Variants in MTOR observed in about 807,000 individuals in gnomAD.
MTOR encodes the protein mechanistic target of rapamycin kinase, also known as serine/threonine-protein kinase mTOR.
MTOR carries 70 observed loss-of-function variants against 319.8 expected under a neutral mutation model. The observed-to-expected ratio is 0.22, with a 90% CI of 0.18 to 0.27. The LOEUF (loss-of-function observed/expected upper bound fraction) is 0.27. Ranked by LOEUF, MTOR falls within the 10% of genes least tolerant of loss-of-function variation. The pLI is 1.00. For missense variants in MTOR, 1,890 were observed against 3,274.4 expected (o/e 0.58, Z 10.32); for synonymous variants, 1,183 against 1,211.4 (o/e 0.98, Z 0.49).
Position 11,133,093 on chromosome 1 carries a change from C to T in MTOR, c.5351G>A (p.Arg1784His), listed in dbSNP as rs764395301. 2.9e-5 allele frequency: 46 copies of T among 1,613,936 alleles called. No individual in the cohort carries two copies. The South Asian group carries it at 4.2e-4, about 15-fold the overall frequency. Residue 1784 changes from arginine (R) to histidine (H), a missense_variant, in exon 38 of 58, where the codon CGC becomes CAC. Arg to His is a conservative substitution (Grantham distance 29, BLOSUM62 0). Transcript: ENST00000361445. The surrounding 1 kb of genome is among the most constrained non-coding windows in gnomAD (Gnocchi z 4.0). ...GCTTCTGATCACCTTGTACCAGCTG[C>T]GGTCGTGCTCTGTGGCGGCGCTGTA... ...QYYSAATEHD[R>H]SWYKAWHAWA...
intron 12 of MTOR, 61 bp from the exon 13 acceptor site, chr1:11,238,109 A>G: frequency 6.6e-7 from 1 of 1,511,762 alleles, no homozygotes; most frequent in South Asian, 1.1e-5. Flanking sequence ...AGCCCTTCCC[A>G]GCTTCTACCT....
chr1:11,262,087 G>A (rs1240581310), intron 1 of MTOR, among the ~76,000 whole-genome samples: 3 of 152,226 alleles, frequency 2.0e-5, no homozygotes. Context: ...ACAAGGGGCT[G>A]ACACGGACGC....
At position 11,212,551 on chromosome 1, in the gene MTOR, C is replaced by T; in HGVS notation, c.3399-77G>A. 6.6e-7 allele frequency: 1 copy of T among 1,517,022 alleles called. No individual in the cohort carries two copies. 94.0% of individuals were successfully genotyped at this position (1,517,022 alleles called of 1,614,324 possible). On this transcript the variant is annotated intron_variant, in intron 22 of 57. Transcript: ENST00000361445. The surrounding 1 kb of genome is among the most constrained non-coding windows in gnomAD (Gnocchi z 4.1). Reference sequence around the variant, plus strand: ...GAGACGTGACTGAGGGTGAGCTTAACAATCAGCACCAAAGGGATGGGAATG... The same window carrying T: ...GAGACGTGACTGAGGGTGAGCTTAATAATCAGCACCAAAGGGATGGGAATG...
chr1:11,184,280 A>G (rs757074768), intron 28 of MTOR, among the ~76,000 whole-genome samples: 8 of 152,196 alleles, frequency 5.3e-5, no homozygotes, highest in Non-Finnish European at 1.2e-4. Flanking sequence ...CTAGGGAGGG[A>G]TTAGAATCCA....
chr1:11,128,275 A>C lies in MTOR; in HGVS notation c.5911-149T>G. 7.4e-7 allele frequency: 1 copy of C among 1,345,090 alleles called. No individual in the cohort carries two copies. Among genetic ancestry groups the C allele is most frequent in the Non-Finnish European group, 1.0e-6 (1 of 981,918 alleles). 83.3% of individuals were successfully genotyped at this position (1,345,090 alleles called of 1,614,324 possible). A position where few individuals can be genotyped will look rare whatever the true frequency, so the allele number is the denominator to read the frequency against. ...AGGAAGGGGCTCAGTCTTCGAGGGA[A>C]CGCTTTCTTTTTAGCAAGGCTCCCG... On this transcript the variant is annotated intron_variant, in intron 42 of 57. Coordinates refer to ENST00000361445, the MANE Select transcript of MTOR (RefSeq NM_004958.4). This position sits in a 1 kb window ranked among gnomAD's most constrained non-coding sequence, Gnocchi z 5.3.
intron 20 of MTOR, among the ~76,000 whole-genome samples, chr1:11,215,322 C>A (rs1157366487): frequency 6.6e-6 from 1 of 152,108 alleles, no homozygotes; most frequent in African/African-American, 2.4e-5. Flanking sequence ...TGGTAAGAGT[C>A]AGGGAATAGA....
chr1:11,207,949 G>A (rs763613621), intron 25 of MTOR, among the ~76,000 whole-genome samples: 2 of 152,068 alleles, frequency 1.3e-5, no homozygotes, highest in Non-Finnish European at 1.5e-5. Flanking sequence ...TTCCAAGTCT[G>A]GGTAGAAAGC....
intron 53 of MTOR, 35 bp downstream of exon 53, chr1:11,114,282 AC>A: frequency 6.2e-7 from 1 of 1,610,284 alleles, no homozygotes; most frequent in Non-Finnish European, 8.5e-7. Context: ...GGTGTGAGCC[AC>A]TGAGCTCAGC....
At position 11,107,187 on chromosome 1, in the gene MTOR, C is replaced by T. The variant is rs1218355160; in HGVS notation, c.*298G>A. 3.8e-5 allele frequency: 53 copies of T among 1,386,222 alleles called. No individual in the cohort carries two copies. Among genetic ancestry groups the T allele is most frequent in the South Asian group, 5.3e-5 (4 of 75,348 alleles). The allele number at this position is 1,386,222 out of a possible 1,614,324, so 85.9% of individuals were successfully genotyped here. On this transcript the variant is annotated 3_prime_UTR_variant, in exon 58 of 58. Transcript: ENST00000361445. ...TTCTCTTGTGAGTTAAGTCAAAACC[C>T]GTATTTCTAAAGTTATGGATCTTCT...
intron 36 of MTOR, among the ~76,000 whole-genome samples, chr1:11,138,526 A>C (rs1460694635): frequency 6.6e-6 from 1 of 152,170 alleles, no homozygotes; most frequent in Non-Finnish European, 1.5e-5. Context: ...CTTCTGCAGA[A>C]ACACAACTTC....
rs780803194 is a variant in MTOR at position 11,133,591 on chromosome 1, A to G, written c.5247-394T>C. Among the ~76,000 whole-genome samples, 5 of 152,106 alleles carry G rather than the reference A, an allele frequency of 3.3e-5. No homozygotes were observed. The highest frequency in any genetic ancestry group is 5.9e-5 in the Non-Finnish European group (4 of 68,016). On this transcript the variant is annotated intron_variant, in intron 37 of 57. Coordinates refer to ENST00000361445, the MANE Select transcript of MTOR (RefSeq NM_004958.4). The surrounding 1 kb of genome is among the most constrained non-coding windows in gnomAD (Gnocchi z 4.0). ...ATTCTTTGTAATGAGATTAGCCCAC[A>G]TTTACTGACTGCTACTGTATTCCAA...
intron 28 of MTOR, among the ~76,000 whole-genome samples, chr1:11,184,929 C>T (rs1645266959): frequency 6.6e-6 from 1 of 152,200 alleles, no homozygotes; most frequent in Admixed American, 6.5e-5. Flanking sequence ...GCTTCTGCTG[C>T]CATTCTTCTT....
chr1:11,198,768 G>C (rs1278382625), intron 28 of MTOR, among the ~76,000 whole-genome samples: 1 of 152,270 alleles, frequency 6.6e-6, no homozygotes, highest in East Asian at 1.9e-4. Context: ...CCACATCAGA[G>C]AAAAGACCAT....
At chr1:11,180,640 G>A (rs1314885383) in intron 28 of MTOR, among the ~76,000 whole-genome samples, 1 of 152,176 alleles carries the variant, frequency 6.6e-6, no homozygotes, top group Non-Finnish European at 1.5e-5. Context: ...TGCAACCCCT[G>A]ACAAGGTCTT....
intron 6 of MTOR, among the ~76,000 whole-genome samples, chr1:11,249,914 G>A (rs1188495545): frequency 2.0e-5 from 3 of 151,040 alleles, no homozygotes; most frequent in South Asian, 2.1e-4. Context: ...ATCATGGCCC[G>A]TTCTCAATGA....
intron 47 of MTOR, among the ~76,000 whole-genome samples, chr1:11,123,319 C>T (rs1363414600): frequency 6.6e-6 from 1 of 151,942 alleles, no homozygotes; most frequent in Non-Finnish European, 1.5e-5. Context: ...CACAGTTGCC[C>T]CATCACAGCT....
At chr1:11,137,436 G>A (rs1036568222) in intron 36 of MTOR, among the ~76,000 whole-genome samples, 1 of 152,188 alleles carries the variant, frequency 6.6e-6, no homozygotes, top group South Asian at 2.1e-4. Context: ...CCAATATTTC[G>A]TTTATCCAGC....
chr1:11,207,451 T>TG (rs1646172838), intron 25 of MTOR, among the ~76,000 whole-genome samples: 2 of 133,744 alleles, frequency 1.5e-5, no homozygotes, highest in Admixed American at 1.7e-4. Flanking sequence ...CTCTGTCACC[T>TG]GGGCTGGAGT....
chr1:11,130,559 G>T lies in MTOR; in HGVS notation c.5583C>A (p.Thr1861=), dbSNP rs900271667. 3 of 1,613,548 alleles carry T rather than the reference G, an allele frequency of 1.9e-6. No individual in the cohort carries two copies. Among genetic ancestry groups the T allele is most frequent in the Non-Finnish European group, 1.7e-6 (2 of 1,179,978 alleles). ...TGACCTTCTTCTGCAGCGGCGATGG[G>T]GTGGGGCTGTTCTCGGTGCTCTCGG... ...SEAESTENSP[T]PSPLQKKVTE... Residue 1861 remains threonine, a synonymous_variant, in exon 39 of 58, where the codon ACC becomes ACA. Coordinates refer to ENST00000361445, the MANE Select transcript of MTOR (RefSeq NM_004958.4).
Sources: gnomAD v4.1 joint callset for allele counts (sites outside exome capture counted in the v4.1 genomes callset) on GRCh38, gnomAD v4.1.1 for gene constraint, Gnocchi (gnomAD v3.1) non-coding constraint, MANE v1.5 for transcripts, NCBI Gene and HGNC (gene_info 2026-07-23, HGNC 2026-07-21) for gene names.